Variants in KIF7 observed in about 807,000 individuals in gnomAD.
The protein encoded by KIF7 is kinesin-like protein KIF7.
Under a neutral mutation model 135.7 loss-of-function variants are expected in KIF7, and 104 were observed. The observed-to-expected ratio is 0.77, with a 90% CI of 0.65 to 0.90. KIF7 has a LOEUF of 0.90. Ranked by LOEUF, KIF7 falls within the 40% of genes least tolerant of loss-of-function variation. The pLI is 0.00. For synonymous variants in KIF7, 883 were observed against 809.4 expected, an observed-to-expected ratio of 1.09 and a Z score of -1.54; for missense variants, 2,005 against 1,839.1, an observed-to-expected ratio of 1.09 and a Z score of -1.65.
chr15:89,646,449 C>T (rs1964014293), intron 7 of KIF7, among the ~76,000 whole-genome samples: 1 of 152,082 alleles, frequency 6.6e-6, no homozygotes, highest in African/African-American at 2.4e-5. Flanking sequence ...AACAAGGTTC[C>T]CCACGTGGAA....
chr15:89,648,428 G>T lies in KIF7; in HGVS notation c.1270C>A (p.Arg424Ser). The change falls in exon 5 of 19, where the codon CGC (arginine) becomes AGC (serine). Residue 424 changes from arginine to serine, a missense_variant. Transcript: ENST00000394412. The stretch of plus-strand genomic sequence containing the variant: ...AGCCCGGGCTCGGCCTGCAGCTCGC[G>T]CAAGAGGCTGTAGGCGGCGTCGGTG... ...ACTDAAYSLLRELQAEPGLPG... is the reference protein window; with the variant it reads ...ACTDAAYSLLSELQAEPGLPG... 9.0e-7 allele frequency: 1 copy of T among 1,115,044 alleles called. No homozygotes were observed. 69.1% of individuals were successfully genotyped at this position (1,115,044 alleles called of 1,614,324 possible).
chr15:89,658,905 G>T (rs543818098), upstream of KIF7, among the ~76,000 whole-genome samples: 2 of 152,124 alleles, frequency 1.3e-5, no homozygotes, highest in Admixed American at 6.5e-5. Flanking sequence ...ATGTAAAATG[G>T]ATAAAGCGTT....
intron 2 of KIF7, among the ~76,000 whole-genome samples, chr15:89,650,251 C>T (rs1657815954): frequency 6.6e-6 from 1 of 152,226 alleles, no homozygotes; most frequent in South Asian, 2.1e-4. Context: ...ACTCCTAATC[C>T]ATGCTCAGTT....
intron 5 of KIF7, 150 bp downstream of exon 5, chr15:89,648,105 C>T: frequency 7.5e-7 from 1 of 1,337,630 alleles, no homozygotes; most frequent in Non-Finnish European, 9.7e-7. Context: ...AAGGAAGTGA[C>T]CACGGTAATC....
intron 3 of KIF7, 122 bp downstream of exon 3, chr15:89,649,619 C>G (rs1964090986): frequency 8.4e-7 from 1 of 1,188,838 alleles, no homozygotes; most frequent in Admixed American, 2.5e-5. Context: ...TAAAGCAAAA[C>G]CTCCCAGGGC....
chr15:89,631,347 C>G, intron 15 of KIF7, 148 bp downstream of exon 15: 2 of 729,410 alleles, frequency 2.7e-6, no homozygotes, highest in South Asian at 1.9e-5. Flanking sequence ...CCAGCCCTCC[C>G]CAGCCCCCAC....
Position 89,629,366 on chromosome 15 carries a change from G to T in KIF7, c.3517+9C>A, listed in dbSNP as rs762457617. On this transcript the variant is annotated intron_variant, in intron 17 of 18. Transcript: ENST00000394412. ...GCCGGGGTTGTGAGCCATGGGCCGG[G>T]CTGCTCACCTCGACTCTGCTGCAGG... The T allele has an allele frequency of 3.2e-6, 5 of 1,583,806 alleles. No homozygotes were observed. In the East Asian group the frequency reaches 1.1e-4, roughly 36 times the overall value.
rs377625808 is a variant in KIF7 at position 89,647,033 on chromosome 15, C to G, written c.1585G>C (p.Glu529Gln). The G allele has an allele frequency of 6.5e-5, 105 of 1,607,164 alleles. No individual in the cohort carries two copies. Among genetic ancestry groups the G allele is most frequent in the Non-Finnish European group, 8.2e-5 (96 of 1,177,664 alleles). Residue 529 changes from glutamate (E) to glutamine (Q), a missense_variant, in exon 7 of 19, where the codon GAG (glutamate) becomes CAG (glutamine). By Grantham distance (29) the Glu-to-Gln change is conservative. Transcript: ENST00000394412. ...LQSDRLREQQ[E>Q]EMVELRLRLE... is the part of the protein sequence containing the mutation. The stretch of plus-strand genomic sequence containing the variant: ...CGCAGCCGCAGTTCCACCATCTCCT[C>G]CTGCTGCTCACGCAGCCGGTCGCTC...
chr15:89,622,488 G>C (rs1157609490), intron 1 of KIF7, among the ~76,000 whole-genome samples: 1 of 152,138 alleles, frequency 6.6e-6, no homozygotes, highest in African/African-American at 2.4e-5. Context: ...CTCCCCGTCC[G>C]CTAAAGCAAG....
chr15:89,639,002 C>T (rs1963866149), intron 11 of KIF7, among the ~76,000 whole-genome samples: 1 of 152,082 alleles, frequency 6.6e-6, no homozygotes, highest in Non-Finnish European at 1.5e-5. Flanking sequence ...ATATCTACAA[C>T]TATCTGATCT....
In KIF7 at chr15:89,648,764, C is replaced by CT; in HGVS notation, c.933dup (p.Asp312ArgfsTer151). 1 of 1,534,182 alleles carries CT rather than the reference C, an allele frequency of 6.5e-7. No homozygotes were observed. The highest frequency in any genetic ancestry group is 8.7e-7 in the Non-Finnish European group (1 of 1,144,798). On this transcript the variant is annotated frameshift_variant, in exon 5 of 19. Transcript: ENST00000394412. LOFTEE classifies it high-confidence loss of function. ...GTCTTGGCGTTCCCGCCCAGCGAGT[C>CT]TTTGAGGATCCTGAGGGCGCGAGGG...
chr15:89,647,820 C>G, intron 5 of KIF7, 108 bp from the exon 6 acceptor site: 1 of 915,170 alleles, frequency 1.1e-6, no homozygotes, highest in Non-Finnish European at 1.6e-6. Flanking sequence ...CAAGCCCTAC[C>G]TGCAGTGGGA....
At chr15:89,651,122 A>C (rs1964116749) in intron 2 of KIF7, among the ~76,000 whole-genome samples, 1 of 151,736 alleles carries the variant, frequency 6.6e-6, no homozygotes, top group South Asian at 2.1e-4. Flanking sequence ...TGTTTTTGAG[A>C]CGGAGTCTTG....
At chr15:89,654,638 G>A (rs997484398) in intron 1 of KIF7, among the ~76,000 whole-genome samples, 2 of 152,234 alleles carry the variant, frequency 1.3e-5, no homozygotes, top group African/African-American at 4.8e-5. Context: ...CTGGAAGGCA[G>A]GGACCCTCTG....
At chr15:89,625,707 T>C (rs758269362), downstream of KIF7, 1 of 1,613,402 alleles carries the variant, frequency 6.2e-7, no homozygotes, top group African/African-American at 1.3e-5. Context: ...ATTCAGAAGT[T>C]AGTAAGAGTA....
At chr15:89,633,928 C>G in intron 11 of KIF7, 45 bp from the exon 12 acceptor site, 1 of 1,605,632 alleles carries the variant, frequency 6.2e-7, no homozygotes, top group South Asian at 1.1e-5. Flanking sequence ...GGGGCTACCG[C>G]GAGCCTGCCA....
At position 89,642,189 on chromosome 15, in the gene KIF7, GC is replaced by G; in HGVS notation, c.2394+13del. 1 of 1,608,342 alleles carries G rather than the reference GC, an allele frequency of 6.2e-7. No homozygotes were observed. ...AGTCACCCCAGCACCCCACCCTGAG[GC>G]CCCGAGACTAACCTGCACCTGGCTC... On this transcript the variant is annotated intron_variant, in intron 11 of 18. Transcript: ENST00000394412.
intron 1 of KIF7, among the ~76,000 whole-genome samples, chr15:89,654,599 C>A (rs1432937648): frequency 1.3e-5 from 2 of 152,168 alleles, no homozygotes; most frequent in Admixed American, 1.3e-4. Flanking sequence ...TTACTACCCG[C>A]TTCTCTCCCC....
At position 89,633,206 on chromosome 15, in the gene KIF7, C is replaced by T. The variant is rs139217034; in HGVS notation, c.2653G>A (p.Ala885Thr). Reference protein sequence around the residue: ...KILKIKTEEIAAFQRKRRSGS... With the variant: ...KILKIKTEEITAFQRKRRSGS... ...CTGCGCCTCTTCCTCTGGAATGCCG[C>T]GATCTCTTCCGTCTTAATCTTCAGG... Residue 885 changes from alanine to threonine, a missense_variant, in exon 13 of 19, where the codon GCG becomes ACG. Ala to Thr is a moderately conservative substitution (Grantham distance 58). Transcript: ENST00000394412. 21 of 1,599,214 alleles carry T rather than the reference C, an allele frequency of 1.3e-5. No individual in the cohort carries two copies. Among genetic ancestry groups the T allele is most frequent in the East Asian group, 9.0e-5 (4 of 44,530 alleles).
Sources: allele counts gnomAD v4.1 joint callset (sites outside exome capture counted in the v4.1 genomes callset), GRCh38; gene constraint gnomAD v4.1.1; transcripts MANE v1.5; gene names NCBI Gene and HGNC (gene_info 2026-07-23, HGNC 2026-07-21).